The following GALNTL6 variants were observed in gnomAD, a reference collection of about 807,000 sequenced individuals.
The protein encoded by GALNTL6 is polypeptide N-acetylgalactosaminyltransferase-like 6.
Under a neutral mutation model 73.7 loss-of-function variants are expected in GALNTL6, and 46 were observed. That is an observed-to-expected ratio of 0.62 (90% CI 0.49 to 0.80). The LOEUF is 0.80. GALNTL6 is among the 30% of genes least tolerant of loss of function. GALNTL6 has a pLI of 0.00. For missense variants in GALNTL6, 604 were observed against 755.0 expected (o/e 0.80, Z 2.34); for synonymous variants, 259 against 263.7 (o/e 0.98, Z 0.17).
chr4:172,933,634 A>G (rs1416370317), intron 9 of GALNTL6, among the ~76,000 whole-genome samples: 1 of 152,156 alleles, frequency 6.6e-6, no homozygotes, highest in Admixed American at 6.5e-5. Flanking sequence ...GAAACATTTT[A>G]TGGTTTTTTT....
At chr4:172,996,305 A>G (rs747418235) in intron 10 of GALNTL6, among the ~76,000 whole-genome samples, 19 of 152,156 alleles carry the variant, frequency 1.2e-4, no homozygotes, top group Non-Finnish European at 2.4e-4. Context: ...ATCAAATATT[A>G]CATGTTCTCA....
At chr4:171,815,825 G>A (rs374402273) in intron 2 of GALNTL6, among the ~76,000 whole-genome samples, 2 of 152,138 alleles carry the variant, frequency 1.3e-5, no homozygotes, top group South Asian at 2.1e-4. Flanking sequence ...GTGGTTAGTT[G>A]TGCAATATAA....
rs529781019 is a variant in GALNTL6, at chr4:172,349,338, A to G, written c.553+649A>G. ...ATGAATATACTATAAAGTGCATTTT[A>G]TAATTTACCTTATATTTTATTGCAC... On this transcript the variant is annotated intron_variant, in intron 5 of 12. Coordinates refer to ENST00000506823, the MANE Select transcript of GALNTL6 (RefSeq NM_001034845.3). Among the ~76,000 whole-genome samples the G allele has an allele frequency of 2.1e-3, 315 of 152,184 alleles. 1 individual carries two copies. The highest frequency in any genetic ancestry group is 7.3e-3 in the African/African-American group (304 of 41,552).
intron 2 of GALNTL6, among the ~76,000 whole-genome samples, chr4:172,035,781 A>G (rs1417166232): frequency 6.6e-6 from 1 of 152,144 alleles, no homozygotes; most frequent in East Asian, 1.9e-4. Flanking sequence ...CAGTGCTTTA[A>G]TATTCATGGG....
At chr4:172,209,180 T>C (rs1419648902) in intron 2 of GALNTL6, among the ~76,000 whole-genome samples, 2 of 152,106 alleles carry the variant, frequency 1.3e-5, no homozygotes, top group African/African-American at 4.8e-5. Flanking sequence ...AATAATTTCA[T>C]AGTATTACAT....
At chr4:172,232,175 C>G (rs1491620) in intron 3 of GALNTL6, among the ~76,000 whole-genome samples, 77,901 of 151,868 alleles carry the variant, frequency 0.51, 21,838 homozygotes, top group East Asian at 0.86. Context: ...ATATACAGGC[C>G]AAGGAAAAGG....
At chr4:172,918,824 G>A (rs1489841789) in intron 8 of GALNTL6, among the ~76,000 whole-genome samples, 1 of 152,154 alleles carries the variant, frequency 6.6e-6, no homozygotes, top group African/African-American at 2.4e-5. Context: ...AGAAAATGGT[G>A]GAAAGCTGCC....
intron 2 of GALNTL6, among the ~76,000 whole-genome samples, chr4:171,846,429 A>G (rs774073023): frequency 3.9e-5 from 6 of 152,154 alleles, no homozygotes; most frequent in Non-Finnish European, 7.3e-5. Flanking sequence ...CAGAGGAGGT[A>G]GACAGTAGGG....
intron 2 of GALNTL6, among the ~76,000 whole-genome samples, chr4:172,112,521 T>C (rs569277772): frequency 2.0e-5 from 3 of 152,082 alleles, no homozygotes; most frequent in Non-Finnish European, 4.4e-5. Context: ...CAGCAATGAA[T>C]GAGAATTCCT....
chr4:172,469,372 A>G (rs1451182645), intron 5 of GALNTL6, among the ~76,000 whole-genome samples: 1 of 152,132 alleles, frequency 6.6e-6, no homozygotes. Context: ...CTGAGAGATC[A>G]AAGTGGGAGA....
intron 5 of GALNTL6, among the ~76,000 whole-genome samples, chr4:172,562,609 C>G (rs1315454978): frequency 6.6e-6 from 1 of 152,206 alleles, no homozygotes; most frequent in African/African-American, 2.4e-5. Context: ...GCTAAATTCA[C>G]TCAAACCCTT....
intron 5 of GALNTL6, among the ~76,000 whole-genome samples, chr4:172,454,924 A>G (rs1732335745): frequency 6.6e-6 from 1 of 152,234 alleles, no homozygotes; most frequent in Non-Finnish European, 1.5e-5. Context: ...GTGCCTGGCA[A>G]GATGGCCAAA....
At chr4:172,852,728 T>C (rs1354978411) in intron 7 of GALNTL6, among the ~76,000 whole-genome samples, 1 of 152,188 alleles carries the variant, frequency 6.6e-6, no homozygotes, top group African/African-American at 2.4e-5. Flanking sequence ...TTTTTGTAGG[T>C]TGGATTTTTC....
chr4:172,846,263 C>G (rs1281575077), intron 7 of GALNTL6, among the ~76,000 whole-genome samples: 1 of 152,064 alleles, frequency 6.6e-6, no homozygotes, highest in Non-Finnish European at 1.5e-5. Context: ...AACCAAAAAG[C>G]TTAAAACTTT....
chr4:172,211,724 A>T (rs569008811), intron 2 of GALNTL6, among the ~76,000 whole-genome samples: 1 of 152,308 alleles, frequency 6.6e-6, no homozygotes, highest in East Asian at 1.9e-4. Flanking sequence ...CTATGGGACC[A>T]GAAGTCTGAT....
chr4:172,880,791 G>T (rs1315808847), intron 7 of GALNTL6, among the ~76,000 whole-genome samples: 1 of 152,040 alleles, frequency 6.6e-6, no homozygotes, highest in Non-Finnish European at 1.5e-5. Flanking sequence ...GTCTTTGTAG[G>T]AACATCAGTA....
At chr4:172,780,730 C>A (rs1739330547) in intron 5 of GALNTL6, among the ~76,000 whole-genome samples, 1 of 152,154 alleles carries the variant, frequency 6.6e-6, no homozygotes, top group South Asian at 2.1e-4. Context: ...TGTTTTAATT[C>A]TCTGTCTCCT....
At chr4:171,841,693 T>C (rs1261869553) in intron 2 of GALNTL6, among the ~76,000 whole-genome samples, 4 of 148,448 alleles carry the variant, frequency 2.7e-5, no homozygotes, top group Non-Finnish European at 6.0e-5. Flanking sequence ...TAGTATTTGA[T>C]GAAAAACTAA....
chr4:172,055,099 A>C (rs768009944), intron 2 of GALNTL6, among the ~76,000 whole-genome samples: 10 of 152,140 alleles, frequency 6.6e-5, no homozygotes, highest in Non-Finnish European at 1.5e-4. Flanking sequence ...TATTTGCTGA[A>C]TGAGGGGCTT....
Sources: allele counts gnomAD v4.1 joint callset (sites outside exome capture counted in the v4.1 genomes callset), GRCh38; gene constraint gnomAD v4.1.1; transcripts MANE v1.5; gene names NCBI Gene and HGNC (gene_info 2026-07-23, HGNC 2026-07-21).